The following CELF1 variants were observed in gnomAD, a reference collection of about 807,000 sequenced individuals.
The protein encoded by CELF1 is 50 kDa nuclear polyadenylated RNA-binding protein.
A neutral mutation model predicts 61.8 loss-of-function variants in CELF1; 10 were observed. The ratio of observed to expected loss-of-function variants is 0.16; its 90% CI spans 0.10 to 0.27. CELF1 has a LOEUF of 0.27. CELF1 is among the 10% of genes least tolerant of loss of function. CELF1 has a pLI of 1.00. For missense variants in CELF1, 380 were observed against 639.1 expected (o/e 0.59, Z 4.37); for synonymous variants, 236 against 225.1 (o/e 1.05, Z -0.43).
chr11:47,510,255 G>A (rs1200659142), intron 1 of CELF1, among the ~76,000 whole-genome samples: 1 of 152,098 alleles, frequency 6.6e-6, no homozygotes, highest in African/African-American at 2.4e-5. Flanking sequence ...CTTAGAATAG[G>A]CAAGGTAATA....
At chr11:47,552,155 T>C (rs892631186) in intron 1 of CELF1, among the ~76,000 whole-genome samples, 2 of 152,214 alleles carry the variant, frequency 1.3e-5, no homozygotes, top group Non-Finnish European at 2.9e-5. Flanking sequence ...CCTACAGCTC[T>C]CTCCTGGCGA....
chr11:47,521,214 T>G (rs1435443033), intron 1 of CELF1, among the ~76,000 whole-genome samples: 1 of 152,172 alleles, frequency 6.6e-6, no homozygotes, highest in Non-Finnish European at 1.5e-5. Flanking sequence ...GTCGTGCCAC[T>G]GCACTCCAGC....
In CELF1 at chr11:47,484,362, G is replaced by C. The variant is rs756336820; in HGVS notation, c.526+27C>G. On this transcript the variant is annotated intron_variant, in intron 7 of 14. Transcript: ENST00000687097. ...ACCAAACCAAAACAAAAAACCAAAA[G>C]ATTATTTAAAAGCTAAAACTACCTA... is the stretch of plus-strand genomic sequence containing the variant. The C allele has an allele frequency of 4.4e-6, 7 of 1,584,346 alleles. No individual in the cohort carries two copies. In the South Asian group the frequency reaches 4.7e-5, roughly 11 times the overall value.
chr11:47,486,836 T>C, intron 5 of CELF1, 38 bp from the exon 6 acceptor site: 1 of 1,471,984 alleles, frequency 6.8e-7, no homozygotes, highest in Non-Finnish European at 9.5e-7. Flanking sequence ...ACTGTATATA[T>C]TGATGGTATT....
chr11:47,534,527 C>T (rs1242966780), intron 1 of CELF1, among the ~76,000 whole-genome samples: 1 of 151,746 alleles, frequency 6.6e-6, no homozygotes, highest in Non-Finnish European at 1.5e-5. Context: ...GAGACCGAGA[C>T]CATCCTGGCT....
At chr11:47,531,429 C>T (rs949315242) in intron 1 of CELF1, among the ~76,000 whole-genome samples, 4 of 152,164 alleles carry the variant, frequency 2.6e-5, no homozygotes, top group Admixed American at 6.6e-5. Flanking sequence ...ATTAGCCGGG[C>T]GTGGTGGCAC....
intron 4 of CELF1, among the ~76,000 whole-genome samples, chr11:47,488,200 T>G (rs1471573382): frequency 6.6e-6 from 1 of 152,224 alleles, no homozygotes; most frequent in Non-Finnish European, 1.5e-5. Context: ...AGAACATGTC[T>G]GTGTGTATAT....
chr11:47,553,912 T>C (rs1247359229), upstream of CELF1, among the ~76,000 whole-genome samples: 1 of 151,678 alleles, frequency 6.6e-6, no homozygotes, highest in Non-Finnish European at 1.5e-5. Context: ...CAGTACAATT[T>C]GTTGTTGTTG....
At chr11:47,531,262 C>CAACAAAA (rs1565893726) in intron 1 of CELF1, among the ~76,000 whole-genome samples, 1 of 148,602 alleles carries the variant, frequency 6.7e-6, no homozygotes, top group Non-Finnish European at 1.5e-5. Flanking sequence ...ACAACAACAA[C>CAACAAAA]AACAAAAAAC....
At chr11:47,496,022 C>T (rs2093023565) in intron 3 of CELF1, 2 of 985,040 alleles carry the variant, frequency 2.0e-6, no homozygotes, top group Non-Finnish European at 2.4e-6. Flanking sequence ...ATACAAGGTC[C>T]CTCTGGCTCA....
intron 1 of CELF1, chr11:47,523,260 G>A (rs566623251): frequency 1.1e-4 from 17 of 152,316 alleles, no homozygotes; most frequent in African/African-American, 3.4e-4. Context: ...AGGCTGAGCT[G>A]TAAAATCAAA....
chr11:47,484,352 A>G, intron 7 of CELF1, 37 bp downstream of exon 7: 3 of 1,587,028 alleles, frequency 1.9e-6, no homozygotes, highest in Non-Finnish European at 2.6e-6. Context: ...ACCAAAACAA[A>G]AAACCAAAAG....
intron 1 of CELF1, among the ~76,000 whole-genome samples, chr11:47,509,517 G>A (rs956844975): frequency 1.3e-5 from 2 of 152,064 alleles, no homozygotes; most frequent in African/African-American, 2.4e-5. Context: ...TGGCACCACT[G>A]CACTCCAGCT....
chr11:47,475,247 G>C, intron 13 of CELF1, 89 bp downstream of exon 13: 1 of 1,220,148 alleles, frequency 8.2e-7, no homozygotes, highest in Non-Finnish European at 1.2e-6. Context: ...CGACCTAACT[G>C]GTTCCCTCAG....
intron 2 of CELF1, among the ~76,000 whole-genome samples, chr11:47,558,659 TATTACATAA>T (rs2097214965): frequency 9.0e-6 from 1 of 111,426 alleles, no homozygotes; most frequent in South Asian, 2.4e-4. Context: ...AGATATAATA[TATTACATAA>T]TATAATATGT....
chr11:47,473,055 T>C (rs1385792024), intron 14 of CELF1, 33 bp downstream of exon 14: 6 of 1,607,018 alleles, frequency 3.7e-6, no homozygotes, highest in Non-Finnish European at 5.1e-6. Flanking sequence ...AAAATACTAA[T>C]CCCATCCTGA....
Position 47,496,328 on chromosome 11 carries a change from G to C in CELF1, c.71+3125C>G, listed in dbSNP as rs2093086976. On this transcript the variant is annotated intron_variant, in intron 3 of 14. Transcript: ENST00000687097. ...TTAAAGGTTTTCAGCCTTCTTCCCT[G>C]AGGTATGGAGATAAGATCTGGAGAT... Among the ~76,000 whole-genome samples the C allele has an allele frequency of 5.9e-5, 9 of 152,280 alleles. No homozygotes were observed. In the South Asian group the frequency reaches 1.9e-3, roughly 32 times the overall value.
chr11:47,481,906 T>C (rs2083465781), intron 9 of CELF1, among the ~76,000 whole-genome samples: 1 of 152,144 alleles, frequency 6.6e-6, no homozygotes, highest in Non-Finnish European at 1.5e-5. Flanking sequence ...ATGTTCATGT[T>C]AATCTCTTGA....
intron 9 of CELF1, among the ~76,000 whole-genome samples, chr11:47,482,236 C>CA (rs1183229026): frequency 8.2e-5 from 11 of 134,438 alleles, no homozygotes; most frequent in African/African-American, 2.3e-4. Context: ...ATAAATAAAG[C>CA]AAAAAAAGAA....
Sources: allele counts gnomAD v4.1 joint callset (sites outside exome capture counted in the v4.1 genomes callset), GRCh38; gene constraint gnomAD v4.1.1; transcripts MANE v1.5; gene names NCBI Gene and HGNC (gene_info 2026-07-23, HGNC 2026-07-21).